The following TENM3 variants were observed in gnomAD, a reference collection of about 807,000 sequenced individuals.
TENM3 encodes the protein teneurin-3.
In TENM3, 63 loss-of-function variants were observed where a neutral mutation model predicts 255.1. The ratio of observed to expected loss-of-function variants is 0.25; its 90% confidence interval spans 0.20 to 0.30. TENM3 has a LOEUF of 0.30. Among genes scored for constraint, TENM3 ranks in the 10% least tolerant of loss-of-function variants. The pLI, the probability that TENM3 is intolerant of heterozygous loss-of-function variation, is 1.00. For synonymous variants in TENM3, 1,306 were observed against 1,322.3 expected (o/e 0.99, Z 0.27); for missense variants, 2,929 against 3,461.1 (o/e 0.85, Z 3.86).
At chr4:181,570,306 A>G in the TENM3 span, among the ~76,000 whole-genome samples, 1 of 151,860 alleles carries the variant, frequency 6.6e-6, no homozygotes, top group African/African-American at 2.4e-5. Flanking sequence ...CGGCCTCCCA[A>G]AGTGCTGGGA....
the TENM3 span, among the ~76,000 whole-genome samples, chr4:181,994,659 C>A: frequency 6.9e-6 from 1 of 144,130 alleles, no homozygotes; most frequent in South Asian, 2.2e-4. Flanking sequence ...TGAACATTTT[C>A]ATGTAACTAA....
intron 3 of TENM3, among the ~76,000 whole-genome samples, chr4:182,553,916 T>C (rs1272341806): frequency 6.6e-6 from 1 of 152,180 alleles, no homozygotes; most frequent in Non-Finnish European, 1.5e-5. Context: ...CTCTGCCAAA[T>C]GAACAATTTT....
chr4:181,977,751 C>T, the TENM3 span, among the ~76,000 whole-genome samples: 2 of 152,160 alleles, frequency 1.3e-5, no homozygotes, highest in Non-Finnish European at 2.9e-5. Flanking sequence ...AAGGACTTTG[C>T]TTCCCTCTTG....
At chr4:182,087,670 CAAG>C in the TENM3 span, among the ~76,000 whole-genome samples, 3 of 149,922 alleles carry the variant, frequency 2.0e-5, no homozygotes, top group Non-Finnish European at 4.4e-5. Context: ...CATTAATACA[CAAG>C]AAGGACAGAA....
the TENM3 span, among the ~76,000 whole-genome samples, chr4:181,752,551 C>CA: frequency 5.4e-3 from 801 of 148,618 alleles, 5 homozygotes; most frequent in African/African-American, 0.018. Context: ...GAATCCATTT[C>CA]AAAAAAAAAT....
rs1005005853 is a variant in TENM3, at chr4:182,556,758, C to T, written c.512-44166C>T. On this transcript the variant is annotated intron_variant, in intron 3 of 27. Transcript: ENST00000511685. ...CTGAAATGACGATGACCCACTCCTACGTAGACTGAAGTGCTGGCATATCAA... is the reference window on the plus strand; with the variant it reads ...CTGAAATGACGATGACCCACTCCTATGTAGACTGAAGTGCTGGCATATCAA... Among the ~76,000 whole-genome samples the T allele has an allele frequency of 1.3e-5, 2 of 152,130 alleles. 1 individual carries two copies. Among genetic ancestry groups the T allele is most frequent in the Non-Finnish European group, 2.9e-5 (2 of 68,018 alleles).
At chr4:182,483,239 G>T (rs564942514) in intron 3 of TENM3, among the ~76,000 whole-genome samples, 1 of 152,240 alleles carries the variant, frequency 6.6e-6, no homozygotes, top group South Asian at 2.1e-4. Context: ...CATTATCAAC[G>T]TGTCTCTGTA....
In TENM3 at chr4:182,516,964, G is replaced by T. The variant is rs569374481; in HGVS notation, c.512-83960G>T. 6.6e-5 allele frequency among the ~76,000 whole-genome samples: 10 copies of T among 151,962 alleles called. No homozygotes were observed. The South Asian group carries it at 2.1e-3, about 32-fold the overall frequency. Reference sequence around the variant, plus strand: ...GAGAGTTGTTCATGTTTTCTCTGGGGTACATCCTCTTTGGAGTAGGAAGAA... The same window carrying T: ...GAGAGTTGTTCATGTTTTCTCTGGGTTACATCCTCTTTGGAGTAGGAAGAA... On this transcript the variant is annotated intron_variant, in intron 3 of 27. Transcript: ENST00000511685.
the TENM3 span, among the ~76,000 whole-genome samples, chr4:181,504,937 A>G: frequency 1.3e-5 from 2 of 152,174 alleles, no homozygotes; most frequent in African/African-American, 4.8e-5. Context: ...ATGACATGCA[A>G]TTGATCTTTG....
the TENM3 span, among the ~76,000 whole-genome samples, chr4:181,575,645 C>T: frequency 6.6e-6 from 1 of 152,108 alleles, no homozygotes; most frequent in Non-Finnish European, 1.5e-5. Flanking sequence ...AAATTTTTTT[C>T]ATATAGGTTG....
chr4:182,773,660 G>A lies in TENM3; in HGVS notation c.5068+13G>A. The A allele has an allele frequency of 1.2e-6, 2 of 1,603,820 alleles. No homozygotes were observed. Among genetic ancestry groups the A allele is most frequent in the Non-Finnish European group, 1.7e-6 (2 of 1,173,356 alleles). ...ACCATGGTTCAAGGTAAACACGAAA[G>A]CATCATTTTAAACAAGTACCACCAG... is the stretch of plus-strand genomic sequence containing the variant. On this transcript the variant is annotated intron_variant, in intron 23 of 27. Transcript: ENST00000511685.
At chr4:181,545,139 T>C in the TENM3 span, among the ~76,000 whole-genome samples, 1,157 of 152,362 alleles carry the variant, frequency 7.6e-3, 7 homozygotes, top group Middle Eastern at 0.031. Flanking sequence ...TAATAATTTA[T>C]GAGAGCTTTT....
At chr4:181,844,638 A>C in the TENM3 span, among the ~76,000 whole-genome samples, 2 of 152,000 alleles carry the variant, frequency 1.3e-5, no homozygotes, top group African/African-American at 2.4e-5. Flanking sequence ...ACTGCACTCC[A>C]GCCTGGGCGA....
At chr4:181,974,475 G>T in the TENM3 span, among the ~76,000 whole-genome samples, 3 of 152,122 alleles carry the variant, frequency 2.0e-5, no homozygotes, top group African/African-American at 7.2e-5. Flanking sequence ...GGCTGAGGCA[G>T]GAGAATCGCT....
the TENM3 span, among the ~76,000 whole-genome samples, chr4:181,701,595 T>A: frequency 0.03 from 4,592 of 151,784 alleles, 207 homozygotes; most frequent in African/African-American, 0.1. Context: ...TTCCCTAATG[T>A]TAGGCCACTG....
the TENM3 span, among the ~76,000 whole-genome samples, chr4:181,948,783 C>G: frequency 6.6e-6 from 1 of 152,116 alleles, no homozygotes; most frequent in Non-Finnish European, 1.5e-5. Context: ...ACCCCCACCC[C>G]CACTGTCTTC....
the TENM3 span, among the ~76,000 whole-genome samples, chr4:181,746,332 G>A: frequency 3.3e-5 from 5 of 152,052 alleles, no homozygotes; most frequent in Admixed American, 6.6e-5. Flanking sequence ...GCTATTGAAA[G>A]GACCAGTATG....
At chr4:182,396,623 A>G (rs542347481) in intron 3 of TENM3, among the ~76,000 whole-genome samples, 1 of 152,302 alleles carries the variant, frequency 6.6e-6, no homozygotes, top group East Asian at 1.9e-4. Flanking sequence ...GTATTTGTCT[A>G]TGACTTCTTT....
At chr4:182,258,598 T>C (rs1758581569) in intron 1 of TENM3, among the ~76,000 whole-genome samples, 1 of 152,204 alleles carries the variant, frequency 6.6e-6, no homozygotes, top group Admixed American at 6.5e-5. Flanking sequence ...CAGGTATTGT[T>C]ATGTAAGAAG....
Sources: allele counts gnomAD v4.1 joint callset (sites outside exome capture counted in the v4.1 genomes callset), GRCh38; gene constraint gnomAD v4.1.1; transcripts MANE v1.5; gene names NCBI Gene and HGNC (gene_info 2026-07-23, HGNC 2026-07-21).